Variants in SLC35F4 observed in about 807,000 individuals in gnomAD.
The protein encoded by SLC35F4 is solute carrier family 35 member F4, also known as chromosome 14 open reading frame 36.
SLC35F4 carries 24 observed loss-of-function variants against 44.2 expected under a neutral mutation model. That is an observed-to-expected ratio of 0.54 (90% CI 0.39 to 0.76). SLC35F4 has a LOEUF of 0.76. Ranked by LOEUF, SLC35F4 falls within the 30% of genes least tolerant of loss-of-function variation. SLC35F4 has a pLI of 0.00. For missense variants in SLC35F4, 562 were observed against 586.1 expected (o/e 0.96, Z 0.42); for synonymous variants, 238 against 223.6 (o/e 1.06, Z -0.57).
chr14:57,789,175 C>A (rs2140792222), intron 1 of SLC35F4, among the ~76,000 whole-genome samples: 1 of 152,138 alleles, frequency 6.6e-6, no homozygotes, highest in East Asian at 1.9e-4. Context: ...GAGATAGAGA[C>A]ACACAAAACC....
At chr14:57,917,186 G>A (rs368872436) in intron 1 of SLC35F4, among the ~76,000 whole-genome samples, 168 of 152,068 alleles carry the variant, frequency 1.1e-3, no homozygotes, top group African/African-American at 3.8e-3. Flanking sequence ...TCAGCCTCCC[G>A]AGTAGCTGGG....
At chr14:57,761,572 C>T (rs181297291) in intron 1 of SLC35F4, among the ~76,000 whole-genome samples, 1 of 152,242 alleles carries the variant, frequency 6.6e-6, no homozygotes, top group African/African-American at 2.4e-5. Context: ...CCCTACTGTA[C>T]ATTAAACTAT....
At chr14:57,759,332 C>A (rs904486578) in intron 1 of SLC35F4, among the ~76,000 whole-genome samples, 1 of 152,228 alleles carries the variant, frequency 6.6e-6, no homozygotes, top group African/African-American at 2.4e-5. Context: ...GTAATCCCAG[C>A]ACTTTGGGAG....
intron 1 of SLC35F4, among the ~76,000 whole-genome samples, chr14:57,758,643 T>C (rs1038531282): frequency 2.6e-5 from 4 of 152,172 alleles, no homozygotes; most frequent in African/African-American, 9.6e-5. Context: ...GTCAGTTTTC[T>C]TAATGGATTT....
chr14:57,729,210 A>C (rs1296339584), intron 1 of SLC35F4, among the ~76,000 whole-genome samples: 1 of 152,114 alleles, frequency 6.6e-6, no homozygotes, highest in African/African-American at 2.4e-5. Flanking sequence ...TTAATTTGGG[A>C]ATTTCTCTGA....
intron 1 of SLC35F4, among the ~76,000 whole-genome samples, chr14:57,752,707 C>T (rs556268106): frequency 6.6e-6 from 1 of 152,276 alleles, no homozygotes; most frequent in African/African-American, 2.4e-5. Context: ...GATCCACCCG[C>T]CTCGGCCTCC....
intron 1 of SLC35F4, among the ~76,000 whole-genome samples, chr14:57,802,194 C>A (rs2078208086): frequency 6.6e-6 from 1 of 152,038 alleles, no homozygotes; most frequent in Admixed American, 6.5e-5. Context: ...AATCACACAA[C>A]TACATAAAAA....
intron 1 of SLC35F4, among the ~76,000 whole-genome samples, chr14:57,938,036 G>A (rs138199777): frequency 7.9e-5 from 12 of 152,156 alleles, no homozygotes; most frequent in East Asian, 5.8e-4. Context: ...CTGAAAATGC[G>A]TCTTCCTTAT....
At chr14:57,806,358 AT>A (rs1320302741) in intron 1 of SLC35F4, among the ~76,000 whole-genome samples, 1 of 152,202 alleles carries the variant, frequency 6.6e-6, no homozygotes, top group Non-Finnish European at 1.5e-5. Context: ...GTCATTAAAA[AT>A]AAAGGTGCTA....
chr14:57,897,916 C>A (rs1888916485), intron 1 of SLC35F4, among the ~76,000 whole-genome samples: 2 of 151,976 alleles, frequency 1.3e-5, no homozygotes. Context: ...GTATTTATAC[C>A]AATATGAAAA....
chr14:57,643,292 G>A (rs936776885), intron 1 of SLC35F4, among the ~76,000 whole-genome samples: 2 of 151,990 alleles, frequency 1.3e-5, no homozygotes, highest in African/African-American at 4.8e-5. Flanking sequence ...ATTGAGTAAT[G>A]CATACCAAGG....
At chr14:57,731,659 A>G (rs113319715) in intron 1 of SLC35F4, among the ~76,000 whole-genome samples, 1 of 152,212 alleles carries the variant, frequency 6.6e-6, no homozygotes. Flanking sequence ...TAATCTGAGA[A>G]TCTTCCTGCA....
chr14:57,699,465 G>A (rs1332043824), intron 1 of SLC35F4, among the ~76,000 whole-genome samples: 2 of 152,084 alleles, frequency 1.3e-5, no homozygotes, highest in South Asian at 2.1e-4. Flanking sequence ...AATCCCTTAC[G>A]TGCAAGAATT....
chr14:57,587,673 A>G (rs1382204148), intron 3 of SLC35F4, among the ~76,000 whole-genome samples: 1 of 152,158 alleles, frequency 6.6e-6, no homozygotes, highest in Non-Finnish European at 1.5e-5. Flanking sequence ...CCTAATGTAG[A>G]TGATGGGTTA....
At chr14:57,871,043 T>A (rs1270154488), upstream of SLC35F4, among the ~76,000 whole-genome samples, 1 of 152,190 alleles carries the variant, frequency 6.6e-6, no homozygotes, top group Non-Finnish European at 1.5e-5. Flanking sequence ...AATCCCCAGG[T>A]GTGGGAGGCA....
intron 7 of SLC35F4, among the ~76,000 whole-genome samples, chr14:57,565,205 G>A (rs572037344): frequency 6.6e-6 from 1 of 152,142 alleles, no homozygotes; most frequent in Non-Finnish European, 1.5e-5. Context: ...TGCGTATGAG[G>A]ATATTTTTAA....
downstream of SLC35F4, among the ~76,000 whole-genome samples, chr14:57,972,945 T>C (rs778549331): frequency 1.6e-4 from 25 of 152,250 alleles, no homozygotes; most frequent in Non-Finnish European, 2.6e-4. Flanking sequence ...CTTTACTGGG[T>C]GACAGATGCT....
At chr14:57,732,415 C>A (rs1303224770) in intron 1 of SLC35F4, among the ~76,000 whole-genome samples, 1 of 152,100 alleles carries the variant, frequency 6.6e-6, no homozygotes, top group African/African-American at 2.4e-5. Flanking sequence ...TCTTATGTAA[C>A]AGGAAAAGCT....
chr14:57,849,308 T>C (rs74587520), intron 1 of SLC35F4, among the ~76,000 whole-genome samples: 1 of 152,148 alleles, frequency 6.6e-6, no homozygotes, highest in Admixed American at 6.5e-5. Context: ...ATTATAGGCA[T>C]GCGCCACCAT....
Sources: gnomAD v4.1 joint callset for allele counts (sites outside exome capture counted in the v4.1 genomes callset) on GRCh38, gnomAD v4.1.1 for gene constraint, MANE v1.5 for transcripts, NCBI Gene and HGNC (gene_info 2026-07-23, HGNC 2026-07-21) for gene names.